The following LIPC variants were observed in gnomAD, a reference collection of about 807,000 sequenced individuals.
The protein encoded by LIPC is hepatic triacylglycerol lipase.
In LIPC, 44 loss-of-function variants were observed where a neutral mutation model predicts 50.7. That is an observed-to-expected ratio of 0.87 (90% CI 0.68 to 1.11). LIPC has a LOEUF of 1.11. LIPC is among the 50% of genes most tolerant of loss of function. LIPC has a pLI of 0.00. For missense variants in LIPC, 697 were observed against 648.2 expected, an observed-to-expected ratio of 1.08 and a Z score of -0.82; for synonymous variants, 271 against 256.4, an observed-to-expected ratio of 1.06 and a Z score of -0.54.
At chr15:58,480,430 G>A (rs1452100781) in intron 1 of LIPC, among the ~76,000 whole-genome samples, 1 of 152,172 alleles carries the variant, frequency 6.6e-6, no homozygotes, top group Non-Finnish European at 1.5e-5. Context: ...AAGTAGATGG[G>A]ATTACAGGTG....
intron 6 of LIPC, among the ~76,000 whole-genome samples, chr15:58,553,843 G>A (rs1158965076): frequency 6.6e-6 from 1 of 152,096 alleles, no homozygotes; most frequent in African/African-American, 2.4e-5. Flanking sequence ...GCAACACCCT[G>A]GACAACACCA....
At chr15:58,495,655 CAA>C (rs1891739883) in intron 1 of LIPC, among the ~76,000 whole-genome samples, 1 of 152,206 alleles carries the variant, frequency 6.6e-6, no homozygotes, top group Non-Finnish European at 1.5e-5. Flanking sequence ...GTAACTTATT[CAA>C]AGTCACCCAG....
chr15:58,487,702 G>C (rs140508481), intron 1 of LIPC, among the ~76,000 whole-genome samples: 3 of 152,186 alleles, frequency 2.0e-5, no homozygotes, highest in Non-Finnish European at 4.4e-5. Flanking sequence ...CAGGCAATTA[G>C]CAAGTTTAAA....
At chr15:58,499,654 C>T (rs1315236132) in intron 1 of LIPC, among the ~76,000 whole-genome samples, 2 of 152,154 alleles carry the variant, frequency 1.3e-5, no homozygotes, top group African/African-American at 2.4e-5. Context: ...GGAACTGGTC[C>T]CTGTGTCTCT....
intron 1 of LIPC, among the ~76,000 whole-genome samples, chr15:58,485,804 G>T (rs1473924992): frequency 1.3e-5 from 2 of 152,244 alleles, no homozygotes; most frequent in Non-Finnish European, 2.9e-5. Context: ...GGTGGGCTTG[G>T]CCCTTGAGGC....
intron 1 of LIPC, among the ~76,000 whole-genome samples, chr15:58,527,452 T>TC (rs200822590): frequency 0.011 from 1,662 of 152,172 alleles, 37 homozygotes; most frequent in African/African-American, 0.038. Flanking sequence ...AAGCTCACCT[T>TC]CCCCCTACAT....
rs777086720 is a variant in LIPC, at chr15:58,568,745, A to T, written c.1418A>T (p.Asp473Val). The change falls in exon 9 of 9, where the codon GAC becomes GTC. Residue 473 changes from aspartate (D) to valine (V), a missense_variant. Coordinates refer to ENST00000299022, the MANE Select transcript of LIPC (RefSeq NM_000236.3). ...ACATTTTGTTCAGAAAACACAGATG[A>T]CCTACTACTTCGCCCAACCCAGGAA... is the stretch of plus-strand genomic sequence containing the variant. The part of the protein sequence containing the change: ...RMTFCSENTD[D>V]LLLRPTQEKI... 8 of 1,609,770 alleles carry T rather than the reference A, an allele frequency of 5.0e-6. No individual in the cohort carries two copies. The highest frequency in any genetic ancestry group is 6.0e-6 in the Non-Finnish European group (7 of 1,176,392).
chr15:58,540,298 C>T (rs1473853950), intron 2 of LIPC, among the ~76,000 whole-genome samples: 2 of 152,156 alleles, frequency 1.3e-5, no homozygotes, highest in East Asian at 1.9e-4. Context: ...ATATTAATAA[C>T]AACAACAACT....
chr15:58,438,861 G>A (rs1448116582), intron 1 of LIPC, among the ~76,000 whole-genome samples: 1 of 152,208 alleles, frequency 6.6e-6, no homozygotes, highest in Non-Finnish European at 1.5e-5. Flanking sequence ...CCACTTAGGG[G>A]TCTATTTCCA....
chr15:58,472,674 A>T (rs1258754181), intron 1 of LIPC, among the ~76,000 whole-genome samples: 1 of 152,124 alleles, frequency 6.6e-6, no homozygotes, highest in African/African-American at 2.4e-5. Flanking sequence ...ATTATAAAAC[A>T]AATTGTATAA....
chr15:58,541,199 T>C (rs759534104), intron 2 of LIPC, among the ~76,000 whole-genome samples: 20 of 152,036 alleles, frequency 1.3e-4, no homozygotes, highest in Non-Finnish European at 1.9e-4. Context: ...TGCAAATTGG[T>C]TCTCAAACAA....
chr15:58,556,413 T>C (rs1468432853), intron 6 of LIPC, among the ~76,000 whole-genome samples: 1 of 152,198 alleles, frequency 6.6e-6, no homozygotes, highest in Non-Finnish European at 1.5e-5. Flanking sequence ...TCCTTTTCAA[T>C]ACTTGTAAAA....
At chr15:58,549,229 G>A (rs1233566813) in intron 6 of LIPC, among the ~76,000 whole-genome samples, 22 of 152,188 alleles carry the variant, frequency 1.4e-4, no homozygotes. Context: ...AATCCTCCTG[G>A]AGGGAACAAG....
rs766486784 is a variant in LIPC at position 58,449,556 on chromosome 15, C to CT, written c.88+17450dup. Among the ~76,000 whole-genome samples the CT allele has an allele frequency of 3.3e-3, 466 of 142,670 alleles. 4 individuals carry two copies. The highest frequency in any genetic ancestry group is 7.2e-3 in the Middle Eastern group (2 of 276). The allele number at this position is 142,670 out of a possible 152,430, so 93.6% of individuals were successfully genotyped here. A position where few individuals can be genotyped will look rare whatever the true frequency, so the allele number is the denominator to read the frequency against. ...GGAATGGGTTTTAAATGCATTTGTT[C>CT]TTTTTTTTTTTTTTAAGACAGAGTC... is the stretch of plus-strand genomic sequence containing the variant. On this transcript the variant is annotated intron_variant, in intron 1 of 8. Transcript: ENST00000299022.
chr15:58,475,123 T>A (rs940499720), intron 1 of LIPC, among the ~76,000 whole-genome samples: 8 of 152,192 alleles, frequency 5.3e-5, no homozygotes, highest in Non-Finnish European at 1.0e-4. Context: ...CCACCTCATG[T>A]GGTCAGGAAG....
intron 1 of LIPC, among the ~76,000 whole-genome samples, chr15:58,492,504 AT>A (rs1235696030): frequency 6.6e-6 from 1 of 152,152 alleles, no homozygotes; most frequent in Non-Finnish European, 1.5e-5. Flanking sequence ...CTATCATTGA[AT>A]TTCGTTTTAC....
Position 58,545,870 on chromosome 15 carries a change from A to G in LIPC, c.703A>G (p.Lys235Glu), listed in dbSNP as rs1344874046. 1.2e-6 allele frequency: 2 copies of G among 1,614,156 alleles called. No homozygotes were observed. Among genetic ancestry groups the G allele is most frequent in the Admixed American group, 3.3e-5 (2 of 60,022 alleles). The change falls in exon 5 of 9, where the codon AAA (lysine) becomes GAA (glutamate). Residue 235 changes from lysine to glutamate, a missense_variant. Physicochemically the swap from Lys to Glu is moderately conservative, Grantham distance 56. Transcript: ENST00000299022. Reference protein sequence around the residue: ...REHMGLSVGIKQPIGHYDFYP... With the variant: ...REHMGLSVGIEQPIGHYDFYP... ...GCACATGGGCCTGAGCGTGGGCATC[A>G]AACAGCCCATAGGACACTATGACTT...
intron 1 of LIPC, among the ~76,000 whole-genome samples, chr15:58,532,757 T>C (rs947660956): frequency 6.6e-6 from 1 of 152,184 alleles, no homozygotes; most frequent in African/African-American, 2.4e-5. Context: ...TTCTCTCCCA[T>C]GGAAGGTGCC....
rs147594972 is a variant in LIPC at position 58,515,533 on chromosome 15, C to CACACATATAT, written c.89-22799_89-22798insCACATATATA. On this transcript the variant is annotated intron_variant, in intron 1 of 8. Transcript: ENST00000299022. Reference sequence around the variant, plus strand: ...AAAGAGGTCTTTGCATATACACACACATATATATATATATATATATCTCAA... The same window carrying CACACATATAT: ...AAAGAGGTCTTTGCATATACACACACACACATATATATATATATATATATATATATCTCAA... Among the ~76,000 whole-genome samples, 82 of 141,728 alleles carry CACACATATAT rather than the reference C, an allele frequency of 5.8e-4. 1 individual carries two copies. Among genetic ancestry groups the CACACATATAT allele is most frequent in the African/African-American group, 8.7e-4 (32 of 36,926 alleles). 93.0% of individuals were successfully genotyped at this position (141,728 alleles called of 152,430 possible).
Sources: gnomAD v4.1 joint callset for allele counts (sites outside exome capture counted in the v4.1 genomes callset) on GRCh38, gnomAD v4.1.1 for gene constraint, MANE v1.5 for transcripts, NCBI Gene and HGNC (gene_info 2026-07-23, HGNC 2026-07-21) for gene names.